SLC4A4: variants seen among roughly 807,000 people sequenced by gnomAD.
The protein encoded by SLC4A4 is solute carrier family 4 member 4, also known as electrogenic sodium bicarbonate cotransporter 1.
A neutral mutation model predicts 111.5 loss-of-function variants in SLC4A4; 27 were observed. The ratio of observed to expected loss-of-function variants is 0.24; its 90% CI spans 0.18 to 0.33. SLC4A4 has a LOEUF of 0.33. Among genes scored for constraint, SLC4A4 ranks in the 10% least tolerant of loss-of-function variants. The pLI, the probability that SLC4A4 is intolerant of heterozygous loss-of-function variation, is 1.00. For synonymous variants in SLC4A4, 443 were observed against 463.4 expected, an observed-to-expected ratio of 0.96 and a Z score of 0.57; for missense variants, 909 against 1,315.5, an observed-to-expected ratio of 0.69 and a Z score of 4.78.
At chr4:71,543,126 A>C (rs1735214945) in intron 18 of SLC4A4, among the ~76,000 whole-genome samples, 1 of 152,124 alleles carries the variant, frequency 6.6e-6, no homozygotes, top group East Asian at 1.9e-4. Flanking sequence ...ATGTGATGGC[A>C]CTTATATTGA....
At chr4:71,180,644 A>T (rs1275072557) in intron 2 of SLC4A4, among the ~76,000 whole-genome samples, 6 of 152,222 alleles carry the variant, frequency 3.9e-5, no homozygotes, top group Non-Finnish European at 2.9e-5. Context: ...TCAAAACCAC[A>T]ATGAGATACC....
Position 71,215,893 on chromosome 4 carries a change from T to C in SLC4A4, c.-1-20683T>C, listed in dbSNP as rs566020209. On this transcript the variant is annotated intron_variant, in intron 1 of 25. Transcript: ENST00000264485. ...ATTATTATTGCTTGTCTACCAACTT[T>C]GTCATTTCTATTTTTTTTTTTTTTT... 3.3e-5 allele frequency among the ~76,000 whole-genome samples: 5 copies of C among 152,070 alleles called. No homozygotes were observed. In the South Asian group the frequency reaches 6.2e-4, roughly 19 times the overall value.
chr4:71,134,053 G>T (rs1743781368), intron 2 of SLC4A4, among the ~76,000 whole-genome samples: 1 of 152,132 alleles, frequency 6.6e-6, no homozygotes, highest in South Asian at 2.1e-4. Context: ...GTGGGGAACT[G>T]TGAGACATAT....
At chr4:71,391,557 A>C (rs1719269787) in intron 6 of SLC4A4, among the ~76,000 whole-genome samples, 1 of 152,124 alleles carries the variant, frequency 6.6e-6, no homozygotes, top group African/African-American at 2.4e-5. Context: ...TTATAGCAAC[A>C]GTATGTACCT....
rs566441126 is a variant in SLC4A4, at chr4:71,480,904, A to G, written c.1904-6044A>G. On this transcript the variant is annotated intron_variant, in intron 14 of 25. Transcript: ENST00000264485. ...CAACTATATCTTGATAACATTGTAT[A>G]TTTAACCATCACATAAATCTTGAGA... is the stretch of plus-strand genomic sequence containing the variant. Among the ~76,000 whole-genome samples, 12 of 151,834 alleles carry G rather than the reference A, an allele frequency of 7.9e-5. No individual in the cohort carries two copies. In the East Asian group the frequency reaches 2.3e-3, roughly 30 times the overall value.
chr4:71,224,626 G>A (rs1718943057), intron 1 of SLC4A4, among the ~76,000 whole-genome samples: 1 of 152,220 alleles, frequency 6.6e-6, no homozygotes, highest in Non-Finnish European at 1.5e-5. Context: ...CTACCTAAGT[G>A]TTTGCTAAAT....
chr4:71,253,908 G>A (rs1326244068), intron 2 of SLC4A4, among the ~76,000 whole-genome samples: 2 of 152,102 alleles, frequency 1.3e-5, no homozygotes, highest in African/African-American at 2.4e-5. Context: ...ATTCACTTAG[G>A]TTCTGCATTG....
At chr4:71,371,265 G>A (rs1731849785) in intron 6 of SLC4A4, among the ~76,000 whole-genome samples, 3 of 75,360 alleles carry the variant, frequency 4.0e-5, no homozygotes, top group Non-Finnish European at 8.4e-5. Context: ...TTTTTTTTTG[G>A]TACAGTCTTG....
intron 2 of SLC4A4, among the ~76,000 whole-genome samples, chr4:71,110,068 A>G (rs911591981): frequency 1.3e-5 from 2 of 152,140 alleles, no homozygotes; most frequent in Admixed American, 6.5e-5. Flanking sequence ...CAAATCTTCA[A>G]TAGACTACAG....
At chr4:71,420,071 G>T (rs1475325520) in intron 7 of SLC4A4, among the ~76,000 whole-genome samples, 1 of 152,198 alleles carries the variant, frequency 6.6e-6, no homozygotes, top group Non-Finnish European at 1.5e-5. Flanking sequence ...CAAAGGCAAA[G>T]AAGTTAAAAA....
chr4:71,175,500 G>A (rs990323214), intron 2 of SLC4A4, among the ~76,000 whole-genome samples: 2 of 152,250 alleles, frequency 1.3e-5, no homozygotes, highest in African/African-American at 4.8e-5. Context: ...CTTTTCCAAT[G>A]GTCTTAGCAA....
intron 3 of SLC4A4, among the ~76,000 whole-genome samples, chr4:71,315,235 C>T (rs1239070635): frequency 6.6e-6 from 1 of 152,122 alleles, no homozygotes; most frequent in Non-Finnish European, 1.5e-5. Flanking sequence ...AAAACTGATG[C>T]AGACCCTGTG....
Position 71,158,097 on chromosome 4 carries a change from CTGTGTGTGTGTGTGTG to C in SLC4A4, c.-2+65335_-2+65350del, listed in dbSNP as rs139897656. The stretch of plus-strand genomic sequence containing the variant: ...ATGTCAGGCAAACACATCCTTGACT[CTGTGTGTGTGTGTGTG>C]TGTGTGTGTGTGTGTGTGTGTGTGT... On this transcript the variant is annotated intron_variant, in intron 2 of 26. Coordinates refer to the SLC4A4 transcript ENST00000649996. Among the ~76,000 whole-genome samples the C allele has an allele frequency of 2.0e-4, 27 of 137,172 alleles. 1 individual carries two copies. The South Asian group carries it at 4.3e-3, about 22-fold the overall frequency. 90.0% of individuals were successfully genotyped at this position (137,172 alleles called of 152,430 possible).
chr4:71,072,533 AT>A (rs1417461611), intron 1 of SLC4A4, among the ~76,000 whole-genome samples: 2 of 151,526 alleles, frequency 1.3e-5, no homozygotes, highest in South Asian at 4.1e-4. Context: ...TCATTTTTTT[AT>A]TTTTTAGAGC....
At chr4:71,476,362 C>T (rs930716206) in intron 14 of SLC4A4, among the ~76,000 whole-genome samples, 1 of 151,648 alleles carries the variant, frequency 6.6e-6, no homozygotes, top group Admixed American at 6.6e-5. Context: ...AAAGACTGGC[C>T]TTTCATCACA....
chr4:71,546,147 C>T (rs1735500185), intron 18 of SLC4A4, among the ~76,000 whole-genome samples: 1 of 151,976 alleles, frequency 6.6e-6, no homozygotes, highest in African/African-American at 2.4e-5. Context: ...AAGGTCTCTA[C>T]CATAGCAGCT....
chr4:71,112,787 G>A (rs1428912649), intron 2 of SLC4A4, among the ~76,000 whole-genome samples: 1 of 152,162 alleles, frequency 6.6e-6, no homozygotes, highest in Non-Finnish European at 1.5e-5. Flanking sequence ...AGTGTTCCTG[G>A]TTAATGGAAT....
chr4:71,414,163 G>A lies in SLC4A4; in HGVS notation c.807+16510G>A, dbSNP rs944419534. On this transcript the variant is annotated intron_variant, in intron 7 of 25. Transcript: ENST00000264485. ...GACAAAAAGTTGTGTGTAATTTCCA[G>A]GTGCCCATGCACTCCCTGGATCCCC... Among the ~76,000 whole-genome samples the A allele has an allele frequency of 6.6e-5, 10 of 152,236 alleles. No individual in the cohort carries two copies. The South Asian group carries it at 2.1e-3, about 31-fold the overall frequency.
chr4:71,133,783 C>T (rs1743772260), intron 2 of SLC4A4, among the ~76,000 whole-genome samples: 1 of 152,186 alleles, frequency 6.6e-6, no homozygotes, highest in Admixed American at 6.5e-5. Flanking sequence ...GCTGTCGCTG[C>T]CCTGATACCG....
Sources: gnomAD v4.1 joint callset for allele counts (sites outside exome capture counted in the v4.1 genomes callset) on GRCh38, gnomAD v4.1.1 for gene constraint, MANE v1.5 for transcripts, NCBI Gene and HGNC (gene_info 2026-07-23, HGNC 2026-07-21) for gene names.